DPP10: variants seen among roughly 807,000 people sequenced by gnomAD.
The protein encoded by DPP10 is dipeptidyl peptidase like 10.
Under a neutral mutation model 120.9 loss-of-function variants are expected in DPP10, and 33 were observed. The observed-to-expected ratio is 0.27, with a 90% CI of 0.21 to 0.37. The LOEUF (loss-of-function observed/expected upper bound fraction) is 0.37, where lower values mean the gene tolerates loss of function less well. Ranked by LOEUF, DPP10 falls within the 10% of genes least tolerant of loss-of-function variation. The pLI, the probability that DPP10 is intolerant of heterozygous loss-of-function variation, is 1.00. For synonymous variants in DPP10, 337 were observed against 326.1 expected (o/e 1.03, Z -0.36); for missense variants, 816 against 942.8 (o/e 0.87, Z 1.76).
At chr2:114,837,956 G>C (rs1377031840) in intron 1 of DPP10, among the ~76,000 whole-genome samples, 1 of 152,188 alleles carries the variant, frequency 6.6e-6, no homozygotes, top group Non-Finnish European at 1.5e-5. Flanking sequence ...GAAAATAAAT[G>C]CTAAAATTTC....
intron 3 of DPP10, among the ~76,000 whole-genome samples, chr2:115,387,785 G>A (rs752217682): frequency 6.6e-6 from 1 of 152,124 alleles, no homozygotes; most frequent in Non-Finnish European, 1.5e-5. Flanking sequence ...AGTGGCTAAA[G>A]GTAAATATGA....
intron 5 of DPP10, among the ~76,000 whole-genome samples, chr2:115,665,216 A>G (rs2089350305): frequency 6.6e-6 from 1 of 152,206 alleles, no homozygotes; most frequent in Admixed American, 6.5e-5. Flanking sequence ...ACAGCAGAGC[A>G]CAGCAGTCAC....
intron 1 of DPP10, among the ~76,000 whole-genome samples, chr2:114,839,719 A>G (rs1188291732): frequency 6.6e-6 from 1 of 152,086 alleles, no homozygotes; most frequent in Non-Finnish European, 1.5e-5. Context: ...TTCTCTTTGT[A>G]CTTAGATTAA....
chr2:114,892,385 C>T (rs1692614501), intron 1 of DPP10, among the ~76,000 whole-genome samples: 1 of 152,318 alleles, frequency 6.6e-6, no homozygotes, highest in East Asian at 1.9e-4. Flanking sequence ...TGGAGAAGCA[C>T]TCCATGGAGA....
intron 11 of DPP10, among the ~76,000 whole-genome samples, chr2:115,758,897 T>A (rs2149779116): frequency 6.6e-6 from 1 of 152,274 alleles, no homozygotes; most frequent in South Asian, 2.1e-4. Flanking sequence ...AAAATTGATG[T>A]TTGACAACTC....
chr2:114,494,036 ATT>A (rs1406157674), intron 1 of DPP10, among the ~76,000 whole-genome samples: 1 of 140,898 alleles, frequency 7.1e-6, no homozygotes, highest in African/African-American at 2.6e-5. Flanking sequence ...TTAATTTTCT[ATT>A]TTAGTGAAAG....
At chr2:115,668,335 C>T (rs1340286161) in intron 5 of DPP10, among the ~76,000 whole-genome samples, 1 of 152,000 alleles carries the variant, frequency 6.6e-6, no homozygotes, top group Non-Finnish European at 1.5e-5. Context: ...GAATTAATGC[C>T]ATTATTGAGA....
At chr2:115,764,349 A>G (rs948181817) in intron 12 of DPP10, among the ~76,000 whole-genome samples, 1 of 152,096 alleles carries the variant, frequency 6.6e-6, no homozygotes, top group African/African-American at 2.4e-5. Flanking sequence ...TATATATATT[A>G]CGAGTATATG....
intron 2 of DPP10, among the ~76,000 whole-genome samples, chr2:115,340,928 C>T (rs1194280753): frequency 1.3e-5 from 2 of 151,778 alleles, no homozygotes; most frequent in Admixed American, 6.6e-5. Context: ...AAATATAATT[C>T]TCTAAAAATT....
At chr2:115,317,286 A>G (rs1260921493) in intron 2 of DPP10, among the ~76,000 whole-genome samples, 4 of 152,178 alleles carry the variant, frequency 2.6e-5, no homozygotes, top group Admixed American at 6.5e-5. Context: ...ATGGAATCAA[A>G]TAACATGTGA....
At chr2:115,071,660 G>A (rs762197487) in intron 1 of DPP10, among the ~76,000 whole-genome samples, 6 of 150,850 alleles carry the variant, frequency 4.0e-5, no homozygotes, top group Non-Finnish European at 8.8e-5. Flanking sequence ...GACCAGAAGG[G>A]GCAATTTCTA....
chr2:115,286,528 T>TATATATATA (rs2060403998), intron 1 of DPP10, among the ~76,000 whole-genome samples: 1 of 100,072 alleles, frequency 1.0e-5, no homozygotes, highest in Non-Finnish European at 2.1e-5. Flanking sequence ...ATATATATAA[T>TATATATATA]ATATATATAT....
At chr2:115,621,351 C>T (rs866968405) in intron 5 of DPP10, among the ~76,000 whole-genome samples, 1 of 152,078 alleles carries the variant, frequency 6.6e-6, no homozygotes, top group Non-Finnish European at 1.5e-5. Flanking sequence ...TTTCTAGCTA[C>T]AAATCTTTAA....
chr2:115,424,917 A>G (rs1357807213), intron 3 of DPP10, among the ~76,000 whole-genome samples: 1 of 152,232 alleles, frequency 6.6e-6, no homozygotes, highest in African/African-American at 2.4e-5. Context: ...TTGAGTCTGC[A>G]CTAATGGGTA....
chr2:115,832,367 G>A (rs928747341), intron 21 of DPP10, among the ~76,000 whole-genome samples: 1 of 152,160 alleles, frequency 6.6e-6, no homozygotes, highest in Admixed American at 6.5e-5. Flanking sequence ...GCACGCACCT[G>A]TGGTCCCAGC....
intron 3 of DPP10, among the ~76,000 whole-genome samples, chr2:115,402,070 TC>T (rs1430913543): frequency 6.6e-6 from 1 of 152,144 alleles, no homozygotes; most frequent in Non-Finnish European, 1.5e-5. Flanking sequence ...GGCTAAGACT[TC>T]CCTTGGACCC....
At chr2:114,653,525 C>T (rs765111119) in intron 1 of DPP10, among the ~76,000 whole-genome samples, 10 of 152,030 alleles carry the variant, frequency 6.6e-5, no homozygotes, top group Non-Finnish European at 1.0e-4. Flanking sequence ...AGCTTGGGGT[C>T]GGGAGGTGGG....
intron 1 of DPP10, among the ~76,000 whole-genome samples, chr2:114,729,105 C>T (rs991710476): frequency 6.6e-6 from 1 of 152,078 alleles, no homozygotes; most frequent in Non-Finnish European, 1.5e-5. Flanking sequence ...TAACAAGAAA[C>T]AATAAGTGGC....
chr2:115,018,238 T>C (rs2105150688), intron 1 of DPP10, among the ~76,000 whole-genome samples: 1 of 152,254 alleles, frequency 6.6e-6, no homozygotes, highest in Non-Finnish European at 1.5e-5. Context: ...GGAGAAATAG[T>C]AATGCTTTTA....
Sources: allele counts gnomAD v4.1 joint callset (sites outside exome capture counted in the v4.1 genomes callset), GRCh38; gene constraint gnomAD v4.1.1; transcripts MANE v1.5; gene names NCBI Gene and HGNC (gene_info 2026-07-23, HGNC 2026-07-21).